Variants in ASAP1 observed in about 807,000 individuals in gnomAD.
The protein encoded by ASAP1 is ArfGAP with SH3 domain, ankyrin repeat and PH domain 1.
ASAP1 carries 43 observed loss-of-function variants against 145.2 expected under a neutral mutation model. That is an observed-to-expected ratio of 0.30 (90% confidence interval 0.23 to 0.38). The LOEUF (loss-of-function observed/expected upper bound fraction) is 0.38, where lower values mean the gene tolerates loss of function less well. Among genes scored for constraint, ASAP1 ranks in the 10% least tolerant of loss-of-function variants. The pLI is 1.00. For synonymous variants in ASAP1, 546 were observed against 515.5 expected (o/e 1.06, Z -0.80); for missense variants, 1,018 against 1,355.3 (o/e 0.75, Z 3.91).
intron 14 of ASAP1, among the ~76,000 whole-genome samples, chr8:130,135,186 T>C (rs2097591634): frequency 6.6e-6 from 1 of 152,212 alleles, no homozygotes; most frequent in African/African-American, 2.4e-5. Flanking sequence ...AGAGAGACAA[T>C]GTGTATGTCA....
In ASAP1 at chr8:130,276,770, A is replaced by C. The variant is rs977591241; in HGVS notation, c.187-39776T>G. Among the ~76,000 whole-genome samples, 8 of 125,226 alleles carry C rather than the reference A, an allele frequency of 6.4e-5. 1 individual carries two copies. The highest frequency in any genetic ancestry group is 1.2e-4 in the Non-Finnish European group (7 of 59,136). The allele number at this position is 125,226 out of a possible 152,430, so 82.2% of individuals were successfully genotyped here. A position where few individuals can be genotyped will look rare whatever the true frequency, so the allele number is the denominator to read the frequency against. Reference sequence around the variant, plus strand: ...CTCTCTCTCTCTCTCTCCTCTAACAAAAAAGCTCCATGGCAGCATGAGAGA... The same window carrying C: ...CTCTCTCTCTCTCTCTCCTCTAACACAAAAGCTCCATGGCAGCATGAGAGA... On this transcript the variant is annotated intron_variant, in intron 3 of 29. Transcript: ENST00000518721.
chr8:130,237,506 A>G (rs925534382), intron 3 of ASAP1, among the ~76,000 whole-genome samples: 10 of 152,118 alleles, frequency 6.6e-5, no homozygotes, highest in Non-Finnish European at 1.3e-4. Context: ...GTGTTAAAAA[A>G]AAAAATTAGT....
chr8:130,099,410 G>C (rs1276147815), intron 24 of ASAP1, among the ~76,000 whole-genome samples: 3 of 152,004 alleles, frequency 2.0e-5, no homozygotes, highest in Non-Finnish European at 4.4e-5. Flanking sequence ...TCGATCTCCT[G>C]ACCTCGTGAT....
At chr8:130,248,320 G>T (rs1818980031) in intron 3 of ASAP1, among the ~76,000 whole-genome samples, 1 of 152,156 alleles carries the variant, frequency 6.6e-6, no homozygotes, top group East Asian at 1.9e-4. Context: ...TCTAGGTGTG[G>T]GGATACCTGG....
chr8:130,434,523 A>G, intron 1 of ASAP1, among the ~76,000 whole-genome samples: 1 of 152,178 alleles, frequency 6.6e-6, no homozygotes, highest in Non-Finnish European at 1.5e-5. Flanking sequence ...ACACATATTA[A>G]CGAGCAATAC....
intron 24 of ASAP1, among the ~76,000 whole-genome samples, chr8:130,108,119 G>A (rs887340821): frequency 2.0e-5 from 3 of 152,172 alleles, no homozygotes; most frequent in South Asian, 2.1e-4. Context: ...ATCTATTGAC[G>A]CTCTCAGTAT....
At chr8:130,131,239 ACATGC>A (rs538271264) in intron 15 of ASAP1, among the ~76,000 whole-genome samples, 12 of 152,334 alleles carry the variant, frequency 7.9e-5, no homozygotes, top group Admixed American at 7.8e-4. Flanking sequence ...AATGAGTCTA[ACATGC>A]ATCTGCTCTT....
At chr8:130,394,435 C>T (rs552716788) in intron 2 of ASAP1, among the ~76,000 whole-genome samples, 9 of 152,216 alleles carry the variant, frequency 5.9e-5, no homozygotes, top group South Asian at 2.1e-4. Flanking sequence ...TTGGTCAGAC[C>T]GGTTGCTCTC....
At chr8:130,214,863 T>C (rs1194658411) in intron 4 of ASAP1, among the ~76,000 whole-genome samples, 162 bp from the exon 5 acceptor site, 1 of 152,134 alleles carries the variant, frequency 6.6e-6, no homozygotes, top group Non-Finnish European at 1.5e-5. Flanking sequence ...ACACTAAATA[T>C]TCTAACTCAC....
chr8:130,436,777 G>A (rs754264944), intron 1 of ASAP1, among the ~76,000 whole-genome samples: 2 of 151,938 alleles, frequency 1.3e-5, no homozygotes, highest in Non-Finnish European at 2.9e-5. Flanking sequence ...CTCCAGCTGG[G>A]GCAACACAGC....
intron 13 of ASAP1, among the ~76,000 whole-genome samples, chr8:130,144,242 T>C (rs2097621209): frequency 6.6e-6 from 1 of 152,228 alleles, no homozygotes; most frequent in Non-Finnish European, 1.5e-5. Context: ...GCCAGAATTT[T>C]AGCAATCAAG....
intron 2 of ASAP1, among the ~76,000 whole-genome samples, chr8:130,377,058 A>G (rs1827537012): frequency 6.6e-6 from 1 of 152,174 alleles, no homozygotes; most frequent in Admixed American, 6.5e-5. Flanking sequence ...TCCCCATGAC[A>G]AACCTCACAA....
chr8:130,220,772 G>A (rs1817243840), intron 4 of ASAP1, among the ~76,000 whole-genome samples: 1 of 152,132 alleles, frequency 6.6e-6, no homozygotes, highest in South Asian at 2.1e-4. Context: ...GCTGAGGAGG[G>A]CCTCAGGAAA....
At chr8:130,268,342 C>T (rs1028917222) in intron 3 of ASAP1, among the ~76,000 whole-genome samples, 1 of 151,896 alleles carries the variant, frequency 6.6e-6, no homozygotes, top group Admixed American at 6.6e-5. Flanking sequence ...AAAAAATTAG[C>T]CAGGTGTGAT....
chr8:130,236,108 C>T (rs925218919), intron 4 of ASAP1, among the ~76,000 whole-genome samples: 10 of 152,066 alleles, frequency 6.6e-5, no homozygotes, highest in African/African-American at 2.4e-4. Context: ...AACTTCACGG[C>T]CTGCGCTCTT....
chr8:130,246,104 T>C (rs1027757309), intron 3 of ASAP1, among the ~76,000 whole-genome samples: 14 of 152,022 alleles, frequency 9.2e-5, no homozygotes, highest in South Asian at 6.2e-4. Context: ...GTAAAGGAAG[T>C]CTTACAAAGT....
At chr8:130,116,391 G>C (rs928068118) in intron 22 of ASAP1, among the ~76,000 whole-genome samples, 4 of 152,220 alleles carry the variant, frequency 2.6e-5, no homozygotes, top group African/African-American at 9.6e-5. Context: ...TGCAGAGAAA[G>C]TCTAATGGTC....
At chr8:130,271,838 A>G (rs1820604862) in intron 3 of ASAP1, among the ~76,000 whole-genome samples, 2 of 152,280 alleles carry the variant, frequency 1.3e-5, no homozygotes, top group Non-Finnish European at 2.9e-5. Context: ...TATCCTGTTT[A>G]TGAAGATTGT....
chr8:130,350,289 A>G (rs958720298), intron 3 of ASAP1, among the ~76,000 whole-genome samples: 1 of 152,202 alleles, frequency 6.6e-6, no homozygotes. Context: ...ACCCTGTTAA[A>G]CAGCAGAGTG....
Sources: allele counts gnomAD v4.1 joint callset (sites outside exome capture counted in the v4.1 genomes callset), GRCh38; gene constraint gnomAD v4.1.1; transcripts MANE v1.5; gene names NCBI Gene and HGNC (gene_info 2026-07-23, HGNC 2026-07-21).